Variants in SND1 observed in about 807,000 individuals in gnomAD.
SND1 encodes staphylococcal nuclease and tudor domain containing 1, also known as staphylococcal nuclease domain-containing protein 1.
SND1 carries 38 observed loss-of-function variants against 121.7 expected under a neutral mutation model. The ratio of observed to expected loss-of-function variants is 0.31; its 90% confidence interval spans 0.24 to 0.41. The LOEUF (loss-of-function observed/expected upper bound fraction) is 0.41. SND1 is among the 10% of genes least tolerant of loss of function. The pLI is 1.00. For synonymous variants in SND1, 401 were observed against 447.4 expected (o/e 0.90, Z 1.31); for missense variants, 868 against 1,184.6 (o/e 0.73, Z 3.92).
intron 10 of SND1, among the ~76,000 whole-genome samples, chr7:127,731,407 G>T (rs1170275455): frequency 6.6e-6 from 1 of 152,200 alleles, no homozygotes; most frequent in Non-Finnish European, 1.5e-5. Context: ...AAAGAAGCTA[G>T]CCCAGCCCTT....
chr7:128,051,777 G>A (rs776422479), intron 16 of SND1, among the ~76,000 whole-genome samples: 17 of 152,210 alleles, frequency 1.1e-4, no homozygotes, highest in Non-Finnish European at 1.9e-4. Flanking sequence ...GGCAAGGAAC[G>A]AACACTTGTG....
intron 12 of SND1, among the ~76,000 whole-genome samples, chr7:127,880,178 G>T (rs1432631661): frequency 6.6e-6 from 1 of 152,136 alleles, no homozygotes; most frequent in Non-Finnish European, 1.5e-5. Flanking sequence ...TACACTACCT[G>T]CATCTTAGTC....
At chr7:127,896,911 GTC>G (rs1584649581) in intron 13 of SND1, among the ~76,000 whole-genome samples, 1 of 152,118 alleles carries the variant, frequency 6.6e-6, no homozygotes, top group Non-Finnish European at 1.5e-5. Flanking sequence ...GGAGAGCTGA[GTC>G]TCTATTAGGC....
intron 16 of SND1, chr7:128,030,070 C>T: frequency 6.2e-7 from 1 of 1,613,476 alleles, no homozygotes; most frequent in East Asian, 2.2e-5. Flanking sequence ...CCCTCAAAAG[C>T]TCCCTCAGAG....
intron 15 of SND1, among the ~76,000 whole-genome samples, chr7:127,977,071 C>G (rs2116895104): frequency 6.6e-6 from 1 of 152,268 alleles, no homozygotes; most frequent in East Asian, 1.9e-4. Context: ...TCTCCACACC[C>G]CTCCCCCGTT....
chr7:127,725,200 T>C (rs1404943933), intron 10 of SND1, among the ~76,000 whole-genome samples: 1 of 152,172 alleles, frequency 6.6e-6, no homozygotes, highest in Non-Finnish European at 1.5e-5. Context: ...TCTCGGAGTC[T>C]TAGGTTTCTG....
At position 127,911,943 on chromosome 7, in the gene SND1, T is replaced by A. The variant is rs1584661011; in HGVS notation, c.1527+7124T>A. Among the ~76,000 whole-genome samples, 5 of 152,290 alleles carry A rather than the reference T, an allele frequency of 3.3e-5. No homozygotes were observed. The South Asian group carries it at 1.0e-3, about 32-fold the overall frequency. Reference sequence around the variant, plus strand: ...GATGGAAGACATAGCTTTATTGTGTTGGAGTTTTTTTGTACATGGTTTGTT... The same window carrying A: ...GATGGAAGACATAGCTTTATTGTGTAGGAGTTTTTTTGTACATGGTTTGTT... On this transcript the variant is annotated intron_variant, in intron 14 of 23. Transcript: ENST00000354725.
intron 10 of SND1, among the ~76,000 whole-genome samples, chr7:127,760,738 T>C (rs1470827433): frequency 6.6e-6 from 1 of 152,226 alleles, no homozygotes; most frequent in Non-Finnish European, 1.5e-5. Context: ...CTTAACCTAA[T>C]TATCTTTATA....
intron 10 of SND1, among the ~76,000 whole-genome samples, chr7:127,733,961 A>C (rs1447962781): frequency 1.3e-5 from 2 of 151,986 alleles, no homozygotes; most frequent in Non-Finnish European, 2.9e-5. Context: ...TTGTGTTAAA[A>C]TCTCTGATCG....
intron 12 of SND1, among the ~76,000 whole-genome samples, chr7:127,882,068 T>G (rs1799802597): frequency 6.6e-6 from 1 of 151,762 alleles, no homozygotes; most frequent in Non-Finnish European, 1.5e-5. Flanking sequence ...TCCTGGGCAA[T>G]ATAGCAAGCC....
chr7:127,875,915 G>C (rs772310619), intron 12 of SND1, among the ~76,000 whole-genome samples: 2 of 152,046 alleles, frequency 1.3e-5, no homozygotes, highest in African/African-American at 2.4e-5. Context: ...TGCCTCCTTG[G>C]TTCTTTTTCA....
intron 16 of SND1, among the ~76,000 whole-genome samples, chr7:128,031,310 CCCGCTCTGCGGG>C (rs1171634467): frequency 6.6e-6 from 1 of 151,594 alleles, no homozygotes; most frequent in Non-Finnish European, 1.5e-5. Context: ...GCGGCCCCGG[CCCGCTCTGCGGG>C]CCGCCGCCGG....
chr7:127,846,201 T>C (rs1310754568), intron 12 of SND1, among the ~76,000 whole-genome samples: 1 of 152,230 alleles, frequency 6.6e-6, no homozygotes, highest in African/African-American at 2.4e-5. Flanking sequence ...GATAATGAAC[T>C]TGAATTTTCT....
chr7:127,818,969 ATCTC>A (rs1798497462), intron 11 of SND1, among the ~76,000 whole-genome samples: 1 of 152,082 alleles, frequency 6.6e-6, no homozygotes, highest in Non-Finnish European at 1.5e-5. Flanking sequence ...TTCTGATTGA[ATCTC>A]TCAACATTTG....
intron 14 of SND1, among the ~76,000 whole-genome samples, chr7:127,920,722 G>A (rs1217345565): frequency 1.3e-5 from 2 of 152,132 alleles, no homozygotes; most frequent in Non-Finnish European, 2.9e-5. Context: ...GTTAGAGAAA[G>A]AGGATTGAAG....
chr7:127,756,060 C>T (rs891594044), intron 10 of SND1, among the ~76,000 whole-genome samples: 5 of 152,090 alleles, frequency 3.3e-5, no homozygotes, highest in Non-Finnish European at 7.4e-5. Flanking sequence ...ATTTATGGAG[C>T]TTAAAAAAGG....
chr7:127,939,102 T>C (rs1801126701), intron 15 of SND1, among the ~76,000 whole-genome samples: 1 of 152,200 alleles, frequency 6.6e-6, no homozygotes, highest in Non-Finnish European at 1.5e-5. Context: ...AGAGTAAATA[T>C]GTAACTGCTG....
At chr7:127,868,984 C>T (rs1799527746) in intron 12 of SND1, among the ~76,000 whole-genome samples, 2 of 152,032 alleles carry the variant, frequency 1.3e-5, no homozygotes, top group African/African-American at 4.8e-5. Flanking sequence ...TTGTGCGGCA[C>T]TTTCGTTCCA....
chr7:127,676,415 C>G (rs1795616975), intron 1 of SND1, among the ~76,000 whole-genome samples: 2 of 152,114 alleles, frequency 1.3e-5, no homozygotes, highest in African/African-American at 4.8e-5. Context: ...GAAGGAATAT[C>G]ACAGTGTTCA....
Sources: gnomAD v4.1 joint callset for allele counts (sites outside exome capture counted in the v4.1 genomes callset) on GRCh38, gnomAD v4.1.1 for gene constraint, MANE v1.5 for transcripts, NCBI Gene and HGNC (gene_info 2026-07-23, HGNC 2026-07-21) for gene names.